WWP2: variants seen among roughly 807,000 people sequenced by gnomAD.
WWP2 encodes the protein WW domain containing E3 ubiquitin protein ligase 2, also known as NEDD4-like E3 ubiquitin-protein ligase WWP2.
In WWP2, 57 loss-of-function variants were observed where a neutral mutation model predicts 121.0. That is an observed-to-expected ratio of 0.47 (90% CI 0.38 to 0.59). The LOEUF is 0.59. Among genes scored for constraint, WWP2 ranks in the 20% least tolerant of loss-of-function variants. The probability of loss-of-function intolerance (pLI) is 0.00; values close to 1 mark genes in which losing one functional copy is unlikely to be tolerated. For synonymous variants in WWP2, 449 were observed against 441.3 expected (o/e 1.02, Z -0.22); for missense variants, 962 against 1,158.9 (o/e 0.83, Z 2.47).
chr16:69,892,826 G>A (rs991380346), intron 8 of WWP2, among the ~76,000 whole-genome samples: 5 of 152,164 alleles, frequency 3.3e-5, no homozygotes, highest in Non-Finnish European at 5.9e-5. Context: ...GAGCCACTGC[G>A]CCCGGCCCTG....
chr16:69,858,098 A>C (rs867176381), intron 6 of WWP2, among the ~76,000 whole-genome samples: 5 of 151,934 alleles, frequency 3.3e-5, no homozygotes, highest in Admixed American at 6.6e-5. Flanking sequence ...TTTCTTTGAA[A>C]TTTTACCTTT....
chr16:69,885,799 G>A (rs184278332), intron 7 of WWP2, among the ~76,000 whole-genome samples: 23 of 152,280 alleles, frequency 1.5e-4, no homozygotes, highest in Admixed American at 1.0e-3. Context: ...GTGGGGTTGC[G>A]TGTGAGGCCT....
chr16:69,924,859 C>G, intron 10 of WWP2: 1 of 902,970 alleles, frequency 1.1e-6, no homozygotes, highest in Non-Finnish European at 1.3e-6. Context: ...TGGGTGGACG[C>G]TGCACACCCA....
intron 6 of WWP2, among the ~76,000 whole-genome samples, chr16:69,870,509 C>T (rs1312779416): frequency 6.6e-6 from 1 of 152,140 alleles, no homozygotes; most frequent in African/African-American, 2.4e-5. Flanking sequence ...TTATGTTGCC[C>T]AGGCTGGTCT....
At chr16:69,772,696 C>A (rs1264832345) in intron 1 of WWP2, among the ~76,000 whole-genome samples, 1 of 152,186 alleles carries the variant, frequency 6.6e-6, no homozygotes, top group Non-Finnish European at 1.5e-5. Context: ...CATTGGCACA[C>A]TGTCATGGCA....
intron 2 of WWP2, among the ~76,000 whole-genome samples, chr16:69,790,618 C>T (rs1309654833): frequency 6.6e-6 from 1 of 152,140 alleles, no homozygotes; most frequent in Non-Finnish European, 1.5e-5. Context: ...CTCTGTCACC[C>T]AGGCGGGGGT....
At chr16:69,768,261 G>A (rs1041156938) in intron 1 of WWP2, among the ~76,000 whole-genome samples, 1 of 151,988 alleles carries the variant, frequency 6.6e-6, no homozygotes, top group Non-Finnish European at 1.5e-5. Flanking sequence ...TCACCCCACC[G>A]CAGTTTATAG....
intron 1 of WWP2, among the ~76,000 whole-genome samples, chr16:69,782,654 G>C (rs1029043476): frequency 1.3e-5 from 2 of 152,112 alleles, no homozygotes; most frequent in Non-Finnish European, 2.9e-5. Flanking sequence ...GAAGTAAAAT[G>C]CTTATTACAG....
intron 4 of WWP2, among the ~76,000 whole-genome samples, chr16:69,812,906 A>G (rs1162973085): frequency 6.6e-6 from 1 of 152,062 alleles, no homozygotes; most frequent in Non-Finnish European, 1.5e-5. Context: ...ATTTACGGGG[A>G]GGTACTTTGA....
rs114158644 is a variant in WWP2 at position 69,811,630 on chromosome 16, G to A, written c.340+12335G>A. On this transcript the variant is annotated intron_variant, in intron 4 of 23. Transcript: ENST00000359154. ...TAGCTGGGCATGGTGGGCATGCAAC[G>A]GTAGTCCCAGCCACTTGGGAGGCTG... 5.1e-3 allele frequency among the ~76,000 whole-genome samples: 778 copies of A among 151,694 alleles called. 2 individuals carry two copies. Among genetic ancestry groups the A allele is most frequent in the African/African-American group, 0.018 (755 of 41,358 alleles).
chr16:69,856,704 G>A (rs1285016238), intron 6 of WWP2, among the ~76,000 whole-genome samples: 1 of 152,014 alleles, frequency 6.6e-6, no homozygotes, highest in East Asian at 1.9e-4. Flanking sequence ...AACTTGGGAG[G>A]TGGAGGTTGC....
rs571486031 is a variant in WWP2 at position 69,818,208 on chromosome 16, T to A, written c.340+18913T>A. On this transcript the variant is annotated intron_variant, in intron 4 of 23. Transcript: ENST00000359154. ...TTTTATTTTATTTATTTATTTAATT[T>A]ATTTATTTTATTTTTATGAGATGGA... Among the ~76,000 whole-genome samples, 212 of 151,910 alleles carry A rather than the reference T, an allele frequency of 1.4e-3. 1 individual carries two copies. Among genetic ancestry groups the A allele is most frequent in the African/African-American group, 4.7e-3 (195 of 41,504 alleles).
At chr16:69,933,607 A>G (rs145530470) in intron 16 of WWP2, among the ~76,000 whole-genome samples, 8 of 152,346 alleles carry the variant, frequency 5.3e-5, no homozygotes, top group African/African-American at 1.9e-4. Context: ...GCCCTTGTGC[A>G]GTGCACAGCC....
At chr16:69,906,946 A>G (rs1278336430) in intron 8 of WWP2, among the ~76,000 whole-genome samples, 1 of 152,258 alleles carries the variant, frequency 6.6e-6, no homozygotes, top group Non-Finnish European at 1.5e-5. Context: ...AAAAGTGAGT[A>G]GGAATGTAAT....
intron 2 of WWP2, 34 bp from the exon 3 acceptor site, chr16:69,798,648 C>G: frequency 3.1e-6 from 5 of 1,604,542 alleles, no homozygotes; most frequent in Non-Finnish European, 4.3e-6. Flanking sequence ...AGCCCTGGGA[C>G]TCATCTTTGA....
intron 8 of WWP2, among the ~76,000 whole-genome samples, chr16:69,889,795 C>G (rs2057992766): frequency 6.6e-6 from 1 of 152,128 alleles, no homozygotes; most frequent in South Asian, 2.1e-4. Context: ...TGCTGGTGAT[C>G]TGGTTGACGA....
In WWP2 at chr16:69,838,633, C is replaced by T. The variant is rs1198957987; in HGVS notation, c.341-1493C>T. 3 of 732,870 alleles carry T rather than the reference C, an allele frequency of 4.1e-6. No individual in the cohort carries two copies. In the African/African-American group the frequency reaches 5.7e-5, roughly 14 times the overall value. 45.4% of individuals were successfully genotyped at this position (732,870 alleles called of 1,614,324 possible). ...GGAGCAGCTGCTTCCCAAGTGGCCA[C>T]TCCCAGGGATGGCAAGAGGTGGCTG... On this transcript the variant is annotated intron_variant, in intron 4 of 23. Transcript: ENST00000359154.
At chr16:69,763,401 A>G (rs552452248) in intron 1 of WWP2, among the ~76,000 whole-genome samples, 50 of 152,258 alleles carry the variant, frequency 3.3e-4, no homozygotes, top group Admixed American at 1.0e-3. Context: ...CCTGTTTCTC[A>G]TGTTTACTAA....
In WWP2 at chr16:69,835,775, T is replaced by G. The variant is rs138363713; in HGVS notation, c.341-4351T>G. On this transcript the variant is annotated intron_variant, in intron 4 of 23. Coordinates refer to ENST00000359154, the MANE Select transcript of WWP2 (RefSeq NM_001270454.2). ...CATCTACTCTTGCGTCTCCCAAGAA[T>G]AAGACATGCTCATATAAAACCAAAG... Among the ~76,000 whole-genome samples the G allele has an allele frequency of 2.8e-3, 419 of 151,960 alleles. 7 individuals carry two copies. Among genetic ancestry groups the G allele is most frequent in the African/African-American group, 9.5e-3 (394 of 41,466 alleles).
Sources: allele counts gnomAD v4.1 joint callset (sites outside exome capture counted in the v4.1 genomes callset), GRCh38; gene constraint gnomAD v4.1.1; transcripts MANE v1.5; gene names NCBI Gene and HGNC (gene_info 2026-07-23, HGNC 2026-07-21).